CELF1: variants seen among roughly 807,000 people sequenced by gnomAD.
The protein encoded by CELF1 is 50 kDa nuclear polyadenylated RNA-binding protein.
Under a neutral mutation model 61.8 loss-of-function variants are expected in CELF1, and 10 were observed. The observed-to-expected ratio is 0.16, with a 90% CI of 0.10 to 0.27. The LOEUF is 0.27. CELF1 is among the 10% of genes least tolerant of loss of function. CELF1 has a pLI of 1.00. For missense variants in CELF1, 380 were observed against 639.1 expected (o/e 0.59, Z 4.37); for synonymous variants, 236 against 225.1 (o/e 1.05, Z -0.43).
chr11:47,484,983 T>C (rs1459370529), intron 6 of CELF1, among the ~76,000 whole-genome samples: 1 of 152,190 alleles, frequency 6.6e-6, no homozygotes, highest in Admixed American at 6.5e-5. Context: ...CGGCTTCACG[T>C]CTCTTTTTAT....
In CELF1 at chr11:47,475,430, A is replaced by T; in HGVS notation, c.1179T>A (p.Gly393=). 6.2e-7 allele frequency: 1 copy of T among 1,614,046 alleles called. No individual in the cohort carries two copies. The highest frequency in any genetic ancestry group is 2.2e-5 in the East Asian group (1 of 44,876). The change falls in exon 13 of 15, where the codon GGT becomes GGA. Residue 393 remains glycine, a synonymous_variant. Coordinates refer to ENST00000687097, the MANE Select transcript of CELF1 (RefSeq NM_001376376.1). Reference sequence around the variant, plus strand: ...GCGCAGCAGCAGCATATTGCTGGATACCCGAGTAGGCCTGAGTGAGGGCCT... The same window carrying T: ...GCGCAGCAGCAGCATATTGCTGGATTCCCGAGTAGGCCTGAGTGAGGGCCT... The part of the protein sequence containing the change: ...TMEALTQAYS[G]IQQYAAAALP...
At chr11:47,555,722 T>C (rs1391528457), upstream of CELF1, among the ~76,000 whole-genome samples, 2 of 152,272 alleles carry the variant, frequency 1.3e-5, no homozygotes, top group Middle Eastern at 3.4e-3. Flanking sequence ...AAATAGCCAA[T>C]GTCGGCCAGG....
chr11:47,507,111 C>T (rs561035027), intron 1 of CELF1, among the ~76,000 whole-genome samples: 5 of 152,146 alleles, frequency 3.3e-5, no homozygotes, highest in African/African-American at 1.2e-4. Context: ...TCAACTTAAA[C>T]GATGGGGGAA....
chr11:47,520,429 T>C (rs1274483899), intron 1 of CELF1, among the ~76,000 whole-genome samples: 18 of 152,218 alleles, frequency 1.2e-4, no homozygotes, highest in African/African-American at 4.3e-4. Context: ...ATTATAAGTT[T>C]ATGGATATGG....
chr11:47,515,686 A>G (rs1203594624), intron 1 of CELF1, among the ~76,000 whole-genome samples: 4 of 152,114 alleles, frequency 2.6e-5, no homozygotes, highest in Admixed American at 6.6e-5. Flanking sequence ...TTTGGAAAGG[A>G]CTATAATTAT....
intron 3 of CELF1, chr11:47,494,480 G>C: frequency 1.0e-6 from 1 of 983,918 alleles, no homozygotes; most frequent in Non-Finnish European, 1.2e-6. Flanking sequence ...ATTGGGAAGA[G>C]ACACACGAGG....
At chr11:47,499,310 T>C (rs887067470) in intron 3 of CELF1, 143 bp downstream of exon 3, 11 of 626,732 alleles carry the variant, frequency 1.8e-5, no homozygotes, top group South Asian at 5.9e-5. Flanking sequence ...TTGAAAATAA[T>C]AGCATGAGAG....
At chr11:47,476,134 G>A (rs866690727) in intron 12 of CELF1, among the ~76,000 whole-genome samples, 6 of 150,828 alleles carry the variant, frequency 4.0e-5, no homozygotes, top group Non-Finnish European at 8.9e-5. Context: ...CCAAGTAGCT[G>A]GGACTACAGG....
At chr11:47,479,245 T>TA (rs533035456) in intron 9 of CELF1, among the ~76,000 whole-genome samples, 126 of 152,306 alleles carry the variant, frequency 8.3e-4, no homozygotes, top group African/African-American at 2.9e-3. Context: ...TACAGCAGGA[T>TA]AATAAGCTAA....
chr11:47,473,278 C>T lies in CELF1; in HGVS notation c.1274-47G>A, dbSNP rs117041141. 1.2e-3 allele frequency: 1,853 copies of T among 1,570,244 alleles called. 31 individuals are homozygous for T. In the East Asian group the frequency reaches 0.032, roughly 27 times the overall value. On this transcript the variant is annotated intron_variant, in intron 13 of 14. Coordinates refer to ENST00000687097, the MANE Select transcript of CELF1 (RefSeq NM_001376376.1). ...GAAAAGTATCAGTGTCAAACATGCT[C>T]GTCGCCCTGCACCAGTGATCTTTCA...
chr11:47,554,022 C>T (rs1461258976), upstream of CELF1, among the ~76,000 whole-genome samples: 1 of 151,800 alleles, frequency 6.6e-6, no homozygotes, highest in Non-Finnish European at 1.5e-5. Flanking sequence ...AGCTTTTGGC[C>T]CCATCAACAT....
At chr11:47,520,187 A>G (rs1277935982) in intron 1 of CELF1, among the ~76,000 whole-genome samples, 1 of 152,194 alleles carries the variant, frequency 6.6e-6, no homozygotes, top group Non-Finnish European at 1.5e-5. Flanking sequence ...AACATGGGAG[A>G]GCATCTATCT....
At chr11:47,558,936 C>A (rs1271941115) in intron 2 of CELF1, among the ~76,000 whole-genome samples, 4 of 130,252 alleles carry the variant, frequency 3.1e-5, no homozygotes, top group Admixed American at 8.7e-5. Context: ...GTATATAATG[C>A]GGTATGTAAT....
intron 12 of CELF1, 129 bp downstream of exon 12, chr11:47,476,717 C>A: frequency 1.4e-6 from 1 of 726,460 alleles, no homozygotes; most frequent in South Asian, 1.7e-5. Context: ...TGAGCCACCA[C>A]ACCTGGCCCT....
chr11:47,487,094 A>T (rs2087831468), intron 5 of CELF1, 65 bp downstream of exon 5: 1 of 1,245,708 alleles, frequency 8.0e-7, no homozygotes, highest in Non-Finnish European at 1.2e-6. Context: ...TGTGTCTGAT[A>T]TGTGTAAGTA....
chr11:47,544,924 T>C (rs2096894704), intron 1 of CELF1, among the ~76,000 whole-genome samples: 1 of 152,198 alleles, frequency 6.6e-6, no homozygotes, highest in African/African-American at 2.4e-5. Flanking sequence ...ATGGTGCCAC[T>C]GCACTCCAGC....
chr11:47,531,978 A>C (rs986304701), intron 1 of CELF1, among the ~76,000 whole-genome samples: 1 of 152,182 alleles, frequency 6.6e-6, no homozygotes, highest in South Asian at 2.1e-4. Context: ...AAATGGAGAT[A>C]AACAGGCTAC....
upstream of CELF1, chr11:47,553,137 A>G (rs2097186258): frequency 7.6e-6 from 3 of 394,538 alleles, no homozygotes; most frequent in Non-Finnish European, 1.3e-5. Context: ...GAACACCCCA[A>G]AATGGCGGCA....
intron 1 of CELF1, among the ~76,000 whole-genome samples, chr11:47,514,605 C>T (rs1398229591): frequency 6.7e-6 from 1 of 149,770 alleles, no homozygotes; most frequent in African/African-American, 2.5e-5. Context: ...CCTGTAATCC[C>T]AGCACTTTGG....
Sources: gnomAD v4.1 joint callset for allele counts (sites outside exome capture counted in the v4.1 genomes callset) on GRCh38, gnomAD v4.1.1 for gene constraint, MANE v1.5 for transcripts, NCBI Gene and HGNC (gene_info 2026-07-23, HGNC 2026-07-21) for gene names.